Variants in PPP1CC observed in about 807,000 individuals in gnomAD.
PPP1CC encodes protein phosphatase 1 catalytic subunit gamma.
Under a neutral mutation model 38.4 loss-of-function variants are expected in PPP1CC, and 16 were observed. The observed-to-expected ratio is 0.42, with a 90% confidence interval of 0.28 to 0.63. The LOEUF is 0.63. Among genes scored for constraint, PPP1CC ranks in the 30% least tolerant of loss-of-function variants. The probability of loss-of-function intolerance (pLI) is 0.25; values close to 1 mark genes in which losing one functional copy is unlikely to be tolerated. For synonymous variants in PPP1CC, 158 were observed against 136.0 expected (o/e 1.16, Z -1.13); for missense variants, 170 against 391.3 (o/e 0.43, Z 4.77).
At chr12:110,717,846 T>A (rs1459891487), downstream of PPP1CC, among the ~76,000 whole-genome samples, 1 of 152,216 alleles carries the variant, frequency 6.6e-6, no homozygotes, top group Non-Finnish European at 1.5e-5. Flanking sequence ...TGTCTCCGTG[T>A]CTCAATTCAC....
chr12:110,713,322 T>A, the PPP1CC span, among the ~76,000 whole-genome samples: 6 of 152,104 alleles, frequency 3.9e-5, no homozygotes, highest in South Asian at 1.0e-3. Flanking sequence ...TTAGTAGAGA[T>A]GAGTTTCACC....
intron 4 of PPP1CC, 72 bp downstream of exon 4, chr12:110,724,588 C>A: frequency 1.2e-6 from 1 of 864,850 alleles, no homozygotes; most frequent in Non-Finnish European, 1.9e-6. Flanking sequence ...CCAATGATAA[C>A]TCACAAATGT....
downstream of PPP1CC, among the ~76,000 whole-genome samples, chr12:110,716,118 A>G (rs1593567552): frequency 6.6e-6 from 1 of 152,162 alleles, no homozygotes. Flanking sequence ...CTAGACTTAA[A>G]AAATCTGGTT....
intron 1 of PPP1CC, among the ~76,000 whole-genome samples, chr12:110,736,397 A>G (rs931604328): frequency 1.3e-5 from 2 of 152,194 alleles, no homozygotes; most frequent in African/African-American, 4.8e-5. Context: ...TAATCCCAGC[A>G]CTTTGGGAGG....
In PPP1CC at chr12:110,721,133, A is replaced by G; in HGVS notation, c.915T>C (p.Asn305=). ...ILKPAEKKKP[N]ATRPVTPPRG... is the part of the protein sequence containing the mutation. ...TTGGAGGCGTTACAGGTCTCGTGGC[A>G]TTTGGCTTCTTTTTCTCTGCAGGCT... The change falls in exon 7 of 7, where the codon AAT becomes AAC. Residue 305 remains asparagine (N), a synonymous_variant. Transcript: ENST00000335007. 5.0e-6 allele frequency: 8 copies of G among 1,613,910 alleles called. No individual in the cohort carries two copies. Among genetic ancestry groups the G allele is most frequent in the Middle Eastern group, 1.6e-4 (1 of 6,062 alleles).
At chr12:110,727,036 C>G (rs1466654063) in intron 3 of PPP1CC, among the ~76,000 whole-genome samples, 1 of 152,154 alleles carries the variant, frequency 6.6e-6, no homozygotes, top group African/African-American at 2.4e-5. Context: ...CTCCCAGGTT[C>G]CAGTGATTTT....
chr12:110,738,138 G>A (rs1398285960), intron 1 of PPP1CC, among the ~76,000 whole-genome samples: 2 of 152,024 alleles, frequency 1.3e-5, no homozygotes, highest in Non-Finnish European at 2.9e-5. Flanking sequence ...CTTTACTGTC[G>A]GTGATGACCA....
chr12:110,710,824 A>G, the PPP1CC span, among the ~76,000 whole-genome samples: 3 of 151,932 alleles, frequency 2.0e-5, no homozygotes, highest in African/African-American at 7.3e-5. Flanking sequence ...TTGAGCTCAG[A>G]AATTCAAGAC....
chr12:110,732,170 C>T (rs1179064878), intron 1 of PPP1CC: 4 of 523,502 alleles, frequency 7.6e-6, no homozygotes, highest in South Asian at 2.9e-5. Flanking sequence ...AGAAACAGGA[C>T]TGCAGGCCAG....
At chr12:110,742,598 C>T in intron 1 of PPP1CC, 55 bp downstream of exon 1, 1 of 1,376,218 alleles carries the variant, frequency 7.3e-7, no homozygotes, top group Non-Finnish European at 9.5e-7. Context: ...GCCCCCGGGG[C>T]CGCCTGCCGC....
chr12:110,716,985 C>A (rs544345112), downstream of PPP1CC, among the ~76,000 whole-genome samples: 1 of 152,180 alleles, frequency 6.6e-6, no homozygotes, highest in Non-Finnish European at 1.5e-5. Context: ...GAAGCTCACA[C>A]GTTGGCAAGG....
At chr12:110,724,850 C>T (rs2069778219) in intron 3 of PPP1CC, 86 bp from the exon 4 acceptor site, 1 of 731,052 alleles carries the variant, frequency 1.4e-6, no homozygotes, top group African/African-American at 1.8e-5. Context: ...TCCCCCAAAG[C>T]AAGATTCTGG....
rs757382481 is a variant in PPP1CC, at chr12:110,720,200, T to C, written c.*876A>G. On this transcript the variant is annotated 3_prime_UTR_variant, in exon 7 of 7. Coordinates refer to ENST00000335007, the MANE Select transcript of PPP1CC (RefSeq NM_002710.4). ...TCTGAATGGACGGGTTCAGGCCTGA[T>C]GCAACTGTAAAAAGATTACTTAATG... 4 of 1,549,662 alleles carry C rather than the reference T, an allele frequency of 2.6e-6. No homozygotes were observed. Among genetic ancestry groups the C allele is most frequent in the African/African-American group, 1.4e-5 (1 of 73,832 alleles).
chr12:110,741,467 G>A (rs1365110045), intron 1 of PPP1CC, among the ~76,000 whole-genome samples: 1 of 152,182 alleles, frequency 6.6e-6, no homozygotes, highest in African/African-American at 2.4e-5. Context: ...TTCTTACAAA[G>A]TCTTGGATAA....
At chr12:110,714,498 A>C in the PPP1CC span, among the ~76,000 whole-genome samples, 1 of 152,076 alleles carries the variant, frequency 6.6e-6, no homozygotes, top group South Asian at 2.1e-4. Context: ...GGCAAGCACT[A>C]GAGAAGATAT....
chr12:110,722,032 C>T lies in PPP1CC; in HGVS notation c.882+103G>A. ...GGTTAAGGGAAAATAAAAACTTAGCCTACTCAGCATAAGTGAACACTAGGC... is the reference window on the plus strand; with the variant it reads ...GGTTAAGGGAAAATAAAAACTTAGCTTACTCAGCATAAGTGAACACTAGGC... On this transcript the variant is annotated intron_variant, in intron 6 of 6. Transcript: ENST00000335007. The surrounding 1 kb of genome is among the most constrained non-coding windows in gnomAD (Gnocchi z 5.4). 7.1e-7 allele frequency: 1 copy of T among 1,407,302 alleles called. No homozygotes were observed. Among genetic ancestry groups the T allele is most frequent in the Middle Eastern group, 1.8e-4 (1 of 5,496 alleles). 87.2% of individuals were successfully genotyped at this position (1,407,302 alleles called of 1,614,324 possible). A position where few individuals can be genotyped will look rare whatever the true frequency, so the allele number is the denominator to read the frequency against.
chr12:110,719,510 A>G (rs1030938022), downstream of PPP1CC, among the ~76,000 whole-genome samples: 4 of 152,204 alleles, frequency 2.6e-5, no homozygotes, highest in African/African-American at 7.2e-5. Context: ...TTCCATATAA[A>G]CCAGGGAAGG....
the PPP1CC span, among the ~76,000 whole-genome samples, chr12:110,710,124 T>C: frequency 6.6e-6 from 1 of 151,170 alleles, no homozygotes; most frequent in East Asian, 1.9e-4. Context: ...ATGCAAACCA[T>C]AGGGAAAGAG....
At chr12:110,732,719 A>AG (rs2069891596) in intron 1 of PPP1CC, 1 of 152,228 alleles carries the variant, frequency 6.6e-6, no homozygotes, top group Non-Finnish European at 1.5e-5. Flanking sequence ...TAATAATGGG[A>AG]GAAAGAAATC....
Sources: allele counts gnomAD v4.1 joint callset (sites outside exome capture counted in the v4.1 genomes callset), GRCh38; gene constraint gnomAD v4.1.1; non-coding constraint Gnocchi (gnomAD v3.1); transcripts MANE v1.5; gene names NCBI Gene and HGNC (gene_info 2026-07-23, HGNC 2026-07-21).